The following NPAS2 variants were observed in gnomAD, a reference collection of about 807,000 sequenced individuals.
NPAS2 encodes neuronal PAS domain protein 2.
NPAS2 carries 23 observed loss-of-function variants against 107.5 expected under a neutral mutation model. The ratio of observed to expected loss-of-function variants is 0.21; its 90% confidence interval spans 0.15 to 0.30. The LOEUF (loss-of-function observed/expected upper bound fraction) is 0.30. Ranked by LOEUF, NPAS2 falls within the 10% of genes least tolerant of loss-of-function variation. The probability of loss-of-function intolerance (pLI) is 1.00; values close to 1 mark genes in which losing one functional copy is unlikely to be tolerated. For missense variants in NPAS2, 756 were observed against 1,043.3 expected, an observed-to-expected ratio of 0.72 and a Z score of 3.79; for synonymous variants, 403 against 417.5, an observed-to-expected ratio of 0.97 and a Z score of 0.42.
chr2:100,951,636 T>C (rs1452699031), intron 7 of NPAS2, among the ~76,000 whole-genome samples: 1 of 152,032 alleles, frequency 6.6e-6, no homozygotes, highest in Non-Finnish European at 1.5e-5. Context: ...GCCAAATTCA[T>C]AGAAACAGAA....
Position 100,965,650 on chromosome 2 carries a change from C to G in NPAS2, c.801-10C>G. ...CTCCCTGATGACAAGTCCTCCTTGT[C>G]CTTGTGCAGAGCACCTCCAATCATA... is the stretch of plus-strand genomic sequence containing the variant. On this transcript the variant is annotated splice_polypyrimidine_tract_variant and intron_variant, in intron 9 of 20. Coordinates refer to ENST00000335681, the MANE Select transcript of NPAS2 (RefSeq NM_002518.4). This position sits in a 1 kb window ranked among gnomAD's most constrained non-coding sequence, Gnocchi z 4.3. 6.3e-7 allele frequency: 1 copy of G among 1,596,590 alleles called. No homozygotes were observed. The highest frequency in any genetic ancestry group is 8.6e-7 in the Non-Finnish European group (1 of 1,164,356).
intron 2 of NPAS2, 83 bp from the exon 3 acceptor site, chr2:100,925,063 C>T (rs1683473334): frequency 7.1e-7 from 1 of 1,401,996 alleles, no homozygotes. Context: ...ATAGAATGTG[C>T]TCTAATAGAA....
chr2:100,959,523 A>G (rs987416563), intron 7 of NPAS2, among the ~76,000 whole-genome samples: 1 of 152,244 alleles, frequency 6.6e-6, no homozygotes, highest in Non-Finnish European at 1.5e-5. Context: ...GAGAAAAATA[A>G]GAGTCTGAAA....
chr2:100,842,081 G>GCGCGCGCGCA, intron 1 of NPAS2, among the ~76,000 whole-genome samples: 85 of 148,898 alleles, frequency 5.7e-4, no homozygotes, highest in African/African-American at 6.9e-4. Flanking sequence ...GCATGTACGC[G>GCGCGCGCGCA]CACACACACA....
Position 100,974,963 on chromosome 2 carries a change from A to T in NPAS2, c.1282+19A>T, listed in dbSNP as rs750860037. On this transcript the variant is annotated intron_variant, in intron 13 of 20. Coordinates refer to ENST00000335681, the MANE Select transcript of NPAS2 (RefSeq NM_002518.4). ...CCCACCTGTGAGTGCGAGTCCATGGATGGGGAGTGGGATGTCCACATCAGA... is the reference window on the plus strand; with the variant it reads ...CCCACCTGTGAGTGCGAGTCCATGGTTGGGGAGTGGGATGTCCACATCAGA... The T allele has an allele frequency of 6.2e-7, 1 of 1,613,256 alleles. No homozygotes were observed. The highest frequency in any genetic ancestry group is 1.1e-5 in the South Asian group (1 of 90,922).
chr2:100,836,155 C>T (rs901227410), intron 1 of NPAS2, among the ~76,000 whole-genome samples: 20 of 152,202 alleles, frequency 1.3e-4, no homozygotes, highest in Non-Finnish European at 1.6e-4. Flanking sequence ...GTCTACCTTC[C>T]TGCTGCTACC....
At chr2:100,990,171 A>G in intron 17 of NPAS2, 85 bp from the exon 18 acceptor site, 2 of 1,205,094 alleles carry the variant, frequency 1.7e-6, no homozygotes, top group Non-Finnish European at 2.4e-6. Context: ...GGGTAGGTAG[A>G]AGGAGGAGAC....
At chr2:100,913,518 G>A (rs1457048444) in intron 2 of NPAS2, among the ~76,000 whole-genome samples, 1 of 152,164 alleles carries the variant, frequency 6.6e-6, no homozygotes, top group Non-Finnish European at 1.5e-5. Flanking sequence ...CCTGATAGAC[G>A]TTATGGATAG....
intron 2 of NPAS2, among the ~76,000 whole-genome samples, chr2:100,917,060 G>GA (rs1473703994): frequency 6.6e-6 from 1 of 151,508 alleles, no homozygotes; most frequent in Non-Finnish European, 1.5e-5. Flanking sequence ...GCTCTTATTA[G>GA]AAAAAAAGGA....
At chr2:100,838,627 C>A (rs1276053398) in intron 1 of NPAS2, among the ~76,000 whole-genome samples, 1 of 152,122 alleles carries the variant, frequency 6.6e-6, no homozygotes, top group Non-Finnish European at 1.5e-5. Context: ...ATGGAGAGAG[C>A]AGGACACCGG....
intron 17 of NPAS2, chr2:100,989,818 G>T (rs1678006607): frequency 6.0e-6 from 1 of 166,292 alleles, no homozygotes; most frequent in Admixed American, 5.9e-5. Context: ...AGGTAGCCAG[G>T]TAAGGCCTTT....
chr2:100,885,115 A>AT (rs964701866), intron 1 of NPAS2, among the ~76,000 whole-genome samples: 1 of 151,466 alleles, frequency 6.6e-6, no homozygotes, highest in Non-Finnish European at 1.5e-5. Flanking sequence ...CGCCCAGCTA[A>AT]TTTTTTTTGT....
At chr2:100,985,174 G>A (rs1007548347) in intron 16 of NPAS2, 4 of 151,194 alleles carry the variant, frequency 2.6e-5, no homozygotes, top group Non-Finnish European at 5.9e-5. Context: ...CCTTCCATCC[G>A]TCCTTCCTTC....
upstream of NPAS2, among the ~76,000 whole-genome samples, chr2:100,819,797 C>T (rs979343504): frequency 2.6e-5 from 4 of 152,174 alleles, no homozygotes; most frequent in East Asian, 2.0e-4. This position sits in a 1 kb window ranked among gnomAD's most constrained non-coding sequence, Gnocchi z 5.8. Flanking sequence ...CACAACCCCC[C>T]CCTCCCCCAG....
intron 6 of NPAS2, 61 bp from the exon 7 acceptor site, chr2:100,949,306 G>A (rs1325468409): frequency 1.1e-6 from 1 of 951,784 alleles, no homozygotes; most frequent in African/African-American, 1.6e-5. Flanking sequence ...GACGCTACTT[G>A]TTTAGAGTCT....
At chr2:100,877,214 C>T (rs1680025927) in intron 1 of NPAS2, among the ~76,000 whole-genome samples, 1 of 152,124 alleles carries the variant, frequency 6.6e-6, no homozygotes, top group Admixed American at 6.5e-5. Context: ...GCCTGTAATC[C>T]CAGCACTTGG....
rs58558247 is a variant in NPAS2, at chr2:100,967,237, C to CT, written c.908-1017dup. ...TAATCACATTCTCCAAGTCAGTGTC[C>CT]TTTTTTTTTTTTTTTTTTTTTTTTT... On this transcript the variant is annotated intron_variant, in intron 10 of 20. Coordinates refer to ENST00000335681, the MANE Select transcript of NPAS2 (RefSeq NM_002518.4). 9.1e-3 allele frequency among the ~76,000 whole-genome samples: 914 copies of CT among 100,548 alleles called. 118 individuals are homozygous for CT. Among genetic ancestry groups the CT allele is most frequent in the African/African-American group, 0.014 (359 of 24,990 alleles). 66.0% of individuals were successfully genotyped at this position (100,548 alleles called of 152,430 possible).
chr2:100,981,074 TAC>T (rs1169963085), intron 15 of NPAS2, among the ~76,000 whole-genome samples: 5 of 152,202 alleles, frequency 3.3e-5, no homozygotes, highest in African/African-American at 1.2e-4. Flanking sequence ...CTGCTATTCT[TAC>T]TCTTACTGGT....
chr2:100,841,013 G>C (rs1677362316), intron 1 of NPAS2, among the ~76,000 whole-genome samples: 1 of 152,084 alleles, frequency 6.6e-6, no homozygotes, highest in Non-Finnish European at 1.5e-5. Flanking sequence ...TTCCTCCTCT[G>C]TACAGTGGGG....
Sources: allele counts gnomAD v4.1 joint callset (sites outside exome capture counted in the v4.1 genomes callset), GRCh38; gene constraint gnomAD v4.1.1; non-coding constraint Gnocchi (gnomAD v3.1); transcripts MANE v1.5; gene names NCBI Gene and HGNC (gene_info 2026-07-23, HGNC 2026-07-21).